Variants in SLC44A5 observed in about 807,000 individuals in gnomAD.
SLC44A5 encodes the protein choline transporter-like protein 5.
SLC44A5 carries 57 observed loss-of-function variants against 101.8 expected under a neutral mutation model. The observed-to-expected ratio is 0.56, with a 90% CI of 0.45 to 0.70. SLC44A5 has a LOEUF of 0.70. Among genes scored for constraint, SLC44A5 ranks in the 30% least tolerant of loss-of-function variants. The pLI, the probability that SLC44A5 is intolerant of heterozygous loss-of-function variation, is 0.00. For synonymous variants in SLC44A5, 281 were observed against 290.9 expected (o/e 0.97, Z 0.35); for missense variants, 737 against 853.1 (o/e 0.86, Z 1.70).
At chr1:75,605,485 T>C (rs1262005581) in intron 1 of SLC44A5, among the ~76,000 whole-genome samples, 1 of 152,106 alleles carries the variant, frequency 6.6e-6, no homozygotes, top group Admixed American at 6.6e-5. Context: ...TAAAAAGCTA[T>C]AGTGATTTGT....
At chr1:75,707,511 TTA>T in the SLC44A5 span, among the ~76,000 whole-genome samples, 1 of 152,154 alleles carries the variant, frequency 6.6e-6, no homozygotes, top group Admixed American at 6.5e-5. Flanking sequence ...TGACTCAGGG[TTA>T]TAGAACAGCT....
the SLC44A5 span, among the ~76,000 whole-genome samples, chr1:75,718,492 A>T: frequency 6.6e-6 from 1 of 152,318 alleles, no homozygotes; most frequent in South Asian, 2.1e-4. Flanking sequence ...TGACTGGAGG[A>T]CATAAAATGA....
intron 2 of SLC44A5, among the ~76,000 whole-genome samples, chr1:75,411,260 G>A (rs1376247228): frequency 6.6e-6 from 1 of 152,040 alleles, no homozygotes; most frequent in Non-Finnish European, 1.5e-5. Flanking sequence ...GGGGTCTCAA[G>A]TCCAATGAGG....
At chr1:75,448,061 A>G (rs1355878532) in intron 2 of SLC44A5, among the ~76,000 whole-genome samples, 1 of 152,236 alleles carries the variant, frequency 6.6e-6, no homozygotes, top group Admixed American at 6.5e-5. Flanking sequence ...AAGATTATGA[A>G]TGTTTTCCAT....
chr1:75,365,222 C>T (rs1198809329), intron 3 of SLC44A5, among the ~76,000 whole-genome samples: 3 of 151,970 alleles, frequency 2.0e-5, no homozygotes, highest in Admixed American at 6.6e-5. Context: ...GTTACATAGG[C>T]AAATGTGTGT....
chr1:75,285,721 G>GTT lies in SLC44A5; in HGVS notation c.176-10681_176-10680dup, dbSNP rs201194282. On this transcript the variant is annotated intron_variant, in intron 5 of 23. Coordinates refer to ENST00000370859, the MANE Select transcript of SLC44A5 (RefSeq NM_001130058.2). The stretch of plus-strand genomic sequence containing the variant: ...TTTAAATTTCTATCTTGATTTTATT[G>GTT]TTGACCCAATAATAATTCAGGAGCA... Among the ~76,000 whole-genome samples the GTT allele has an allele frequency of 9.4e-3, 1,426 of 151,940 alleles. 38 individuals carry two copies. The highest frequency in any genetic ancestry group is 0.033 in the African/African-American group (1,355 of 41,466).
chr1:75,291,484 T>C (rs936638866), intron 5 of SLC44A5, among the ~76,000 whole-genome samples: 6 of 152,162 alleles, frequency 3.9e-5, no homozygotes, highest in Non-Finnish European at 8.8e-5. Context: ...AAAATTCCAA[T>C]TCTGACACGT....
rs532722291 is a variant in SLC44A5 at position 75,595,419 on chromosome 1, T to C, written c.-70+15621A>G. Among the ~76,000 whole-genome samples the C allele has an allele frequency of 4.0e-3, 609 of 150,762 alleles. 1 individual carries two copies. The highest frequency in any genetic ancestry group is 6.5e-3 in the Non-Finnish European group (442 of 67,622). On this transcript the variant is annotated intron_variant, in intron 1 of 23. Coordinates refer to ENST00000370859, the MANE Select transcript of SLC44A5 (RefSeq NM_001130058.2). ...CCTGACCCATAAATTATTTATTCCCTGTGGATCATGGAACCAACTTTTTCA... is the reference window on the plus strand; with the variant it reads ...CCTGACCCATAAATTATTTATTCCCCGTGGATCATGGAACCAACTTTTTCA...
chr1:75,331,023 T>A (rs913277662), intron 4 of SLC44A5, among the ~76,000 whole-genome samples: 1 of 149,136 alleles, frequency 6.7e-6, no homozygotes, highest in African/African-American at 2.5e-5. Flanking sequence ...TTTCTCCAAC[T>A]CACTGGGTGT....
At chr1:75,348,370 G>A (rs1418057915) in intron 3 of SLC44A5, among the ~76,000 whole-genome samples, 1 of 152,052 alleles carries the variant, frequency 6.6e-6, no homozygotes, top group Admixed American at 6.6e-5. Context: ...TGAGCAAGGG[G>A]GCCAGAAGAC....
chr1:75,634,897 G>A, the SLC44A5 span, among the ~76,000 whole-genome samples: 5 of 152,084 alleles, frequency 3.3e-5, no homozygotes, highest in Admixed American at 6.6e-5. Context: ...GAAAATTTTC[G>A]CAACTTACTC....
chr1:75,362,225 T>A (rs1024373907), intron 3 of SLC44A5, among the ~76,000 whole-genome samples: 1 of 151,922 alleles, frequency 6.6e-6, no homozygotes, highest in Non-Finnish European at 1.5e-5. Context: ...TTTGTTGACT[T>A]GTTTTTTTAA....
At chr1:75,525,463 T>A (rs942884254) in intron 2 of SLC44A5, among the ~76,000 whole-genome samples, 1 of 152,128 alleles carries the variant, frequency 6.6e-6, no homozygotes, top group South Asian at 2.1e-4. Context: ...AACCACAGCA[T>A]GCAGAAGAAA....
At chr1:75,415,929 T>C (rs1663613254) in intron 2 of SLC44A5, among the ~76,000 whole-genome samples, 1 of 152,138 alleles carries the variant, frequency 6.6e-6, no homozygotes, top group African/African-American at 2.4e-5. Flanking sequence ...TTGGGTGCTG[T>C]TAAAGGCATT....
chr1:75,366,589 A>T (rs1433394626), intron 3 of SLC44A5, among the ~76,000 whole-genome samples: 1 of 152,148 alleles, frequency 6.6e-6, no homozygotes, highest in South Asian at 2.1e-4. Flanking sequence ...GGACGTTTTC[A>T]GCCATTATTT....
intron 1 of SLC44A5, among the ~76,000 whole-genome samples, chr1:75,576,569 T>C (rs1373544877): frequency 6.6e-6 from 1 of 152,260 alleles, no homozygotes; most frequent in Non-Finnish European, 1.5e-5. Flanking sequence ...CCGTCCACTG[T>C]GGCCTCCCAA....
the SLC44A5 span, among the ~76,000 whole-genome samples, chr1:75,644,547 A>G: frequency 6.6e-6 from 1 of 151,872 alleles, no homozygotes; most frequent in Non-Finnish European, 1.5e-5. Flanking sequence ...TTCACCCATC[A>G]CAGGGTTCAT....
chr1:75,526,664 A>T (rs1670424512), intron 2 of SLC44A5, among the ~76,000 whole-genome samples: 1 of 152,230 alleles, frequency 6.6e-6, no homozygotes, highest in Admixed American at 6.5e-5. Flanking sequence ...AAACCCCTCT[A>T]CTACTGCATC....
the SLC44A5 span, among the ~76,000 whole-genome samples, chr1:75,617,553 T>C: frequency 2.6e-5 from 4 of 152,216 alleles, no homozygotes; most frequent in Admixed American, 6.5e-5. Flanking sequence ...TTTTCAGCCC[T>C]TCTAAATATA....
Sources: gnomAD v4.1 joint callset for allele counts (sites outside exome capture counted in the v4.1 genomes callset) on GRCh38, gnomAD v4.1.1 for gene constraint, MANE v1.5 for transcripts, NCBI Gene and HGNC (gene_info 2026-07-23, HGNC 2026-07-21) for gene names.